Variants in MAST4 observed in about 807,000 individuals in gnomAD.
MAST4 encodes microtubule associated serine/threonine kinase family member 4.
A neutral mutation model predicts 162.7 loss-of-function variants in MAST4; 89 were observed. The observed-to-expected ratio is 0.55, with a 90% CI of 0.46 to 0.65. The LOEUF is 0.65. Among genes scored for constraint, MAST4 ranks in the 30% least tolerant of loss-of-function variants. The pLI is 0.00. For missense variants in MAST4, 3,153 were observed against 3,374.0 expected (o/e 0.93, Z 1.62); for synonymous variants, 1,479 against 1,361.1 (o/e 1.09, Z -1.91).
At chr5:66,806,760 C>T (rs927676793) in intron 3 of MAST4, among the ~76,000 whole-genome samples, 27 of 152,022 alleles carry the variant, frequency 1.8e-4, no homozygotes, top group African/African-American at 6.5e-4. Flanking sequence ...TTTTGTGCAT[C>T]CTAGTAACAT....
intron 3 of MAST4, among the ~76,000 whole-genome samples, chr5:66,858,915 C>G (rs942582745): frequency 1.3e-5 from 2 of 151,938 alleles, no homozygotes; most frequent in African/African-American, 4.8e-5. Flanking sequence ...ATTTTTATTG[C>G]TATTGTGAAT....
chr5:66,840,893 C>T (rs566969620), intron 3 of MAST4, among the ~76,000 whole-genome samples: 1 of 152,056 alleles, frequency 6.6e-6, no homozygotes, highest in East Asian at 2.0e-4. Context: ...TGAGTTGTTA[C>T]CCAGCTTTAT....
intron 4 of MAST4, among the ~76,000 whole-genome samples, chr5:66,938,989 A>T (rs1200770754): frequency 6.6e-6 from 1 of 152,198 alleles, no homozygotes; most frequent in Admixed American, 6.6e-5. Flanking sequence ...AGATATTCTA[A>T]AAGACAAAAA....
chr5:66,775,951 T>C (rs1394889521), intron 2 of MAST4, among the ~76,000 whole-genome samples: 1 of 152,178 alleles, frequency 6.6e-6, no homozygotes, highest in Non-Finnish European at 1.5e-5. Context: ...GTAGCATACA[T>C]AGATATTGTT....
intron 4 of MAST4, among the ~76,000 whole-genome samples, chr5:67,042,971 A>G (rs947991491): frequency 6.6e-6 from 1 of 152,210 alleles, no homozygotes; most frequent in Non-Finnish European, 1.5e-5. Flanking sequence ...ACTGCTATAT[A>G]AAAGCCAAAT....
In MAST4 at chr5:66,838,470, T is replaced by G. The variant is rs547019934; in HGVS notation, c.642+49676T>G. On this transcript the variant is annotated intron_variant, in intron 3 of 28. Transcript: ENST00000403625. ...GTGCTGTGTCTTAAACTTACCCTAT[T>G]GTACTTTTATCTTAGACTCTAGCAG... Among the ~76,000 whole-genome samples the G allele has an allele frequency of 3.3e-5, 5 of 152,298 alleles. No homozygotes were observed. In the South Asian group the frequency reaches 1.0e-3, roughly 32 times the overall value.
At chr5:66,939,447 A>G (rs1257053552) in intron 4 of MAST4, among the ~76,000 whole-genome samples, 1 of 152,212 alleles carries the variant, frequency 6.6e-6, no homozygotes, top group Non-Finnish European at 1.5e-5. Context: ...ATTTCTGTGT[A>G]AAGTGATATC....
intron 3 of MAST4, among the ~76,000 whole-genome samples, chr5:66,791,390 T>C (rs1755400576): frequency 6.6e-6 from 1 of 152,238 alleles, no homozygotes. Flanking sequence ...AACTGACTTA[T>C]TCATTGATGA....
chr5:66,967,863 C>T (rs555859705), intron 4 of MAST4, among the ~76,000 whole-genome samples: 73 of 152,124 alleles, frequency 4.8e-4, no homozygotes, highest in African/African-American at 1.6e-3. Context: ...TACAACTTTG[C>T]TTTCCTCCTT....
intron 4 of MAST4, among the ~76,000 whole-genome samples, chr5:66,974,339 G>C (rs184587449): frequency 1.3e-5 from 2 of 152,286 alleles, no homozygotes; most frequent in Non-Finnish European, 2.9e-5. Flanking sequence ...AGAAATGAAT[G>C]AATGAACGAA....
At chr5:66,981,954 CTTTATCCCATGATTTTTTATTGTG>C (rs1233985556) in intron 4 of MAST4, among the ~76,000 whole-genome samples, 1 of 152,292 alleles carries the variant, frequency 6.6e-6, no homozygotes, top group East Asian at 1.9e-4. Flanking sequence ...TTTATTTGAA[CTTTATCCCATGATTTTTTATTGTG>C]TTTGAGGCAG....
At position 66,598,681 on chromosome 5, in the gene MAST4, C is replaced by T. The variant is rs546494255; in HGVS notation, c.363+1663C>T. Among the ~76,000 whole-genome samples the T allele has an allele frequency of 2.0e-5, 3 of 152,330 alleles. No individual in the cohort carries two copies. The East Asian group carries it at 5.8e-4, about 29-fold the overall frequency. ...TTGGGAAGCTGGGGGTGTACCCTAA[C>T]TTAATGATTCACCAATAGTTCCTAA... On this transcript the variant is annotated intron_variant, in intron 1 of 28. Transcript: ENST00000403625.
intron 3 of MAST4, among the ~76,000 whole-genome samples, chr5:66,850,928 C>A (rs932266301): frequency 1.8e-5 from 2 of 110,152 alleles, no homozygotes; most frequent in Non-Finnish European, 4.0e-5. Flanking sequence ...CCATTTTAAG[C>A]CTTTTTTTTT....
At chr5:67,082,304 A>G (rs527594164) in intron 5 of MAST4, among the ~76,000 whole-genome samples, 14 of 152,094 alleles carry the variant, frequency 9.2e-5, no homozygotes, top group African/African-American at 3.4e-4. Flanking sequence ...ACACGCCACC[A>G]CGCCCAGCTA....
At chr5:66,762,075 G>C (rs190561815) in intron 2 of MAST4, among the ~76,000 whole-genome samples, 15 of 152,244 alleles carry the variant, frequency 9.9e-5, no homozygotes, top group Admixed American at 4.6e-4. Context: ...TCAGATATAT[G>C]ATCTCAAACA....
intron 1 of MAST4, among the ~76,000 whole-genome samples, chr5:66,710,510 G>A (rs755562807): frequency 1.1e-4 from 16 of 151,884 alleles, no homozygotes; most frequent in South Asian, 2.1e-4. Flanking sequence ...TACATCTTCC[G>A]TAGCCCAGGG....
At chr5:66,828,932 T>C in intron 3 of MAST4, 1 of 1,449,194 alleles carries the variant, frequency 6.9e-7, no homozygotes, top group Non-Finnish European at 9.6e-7. Context: ...TGGCCAGCCA[T>C]TGAGGATTTC....
chr5:66,965,531 G>T (rs913090239), intron 4 of MAST4, among the ~76,000 whole-genome samples: 1 of 136,436 alleles, frequency 7.3e-6, no homozygotes, highest in Non-Finnish European at 1.5e-5. Flanking sequence ...AACTGGTTGC[G>T]TTTGAGCTGG....
intron 3 of MAST4, chr5:66,789,885 T>A: frequency 2.3e-6 from 1 of 431,692 alleles, no homozygotes; most frequent in Non-Finnish European, 4.6e-6. Flanking sequence ...TTTTTCCAAC[T>A]TCAGCACTCT....
Sources: gnomAD v4.1 joint callset for allele counts (sites outside exome capture counted in the v4.1 genomes callset) on GRCh38, gnomAD v4.1.1 for gene constraint, MANE v1.5 for transcripts, NCBI Gene and HGNC (gene_info 2026-07-23, HGNC 2026-07-21) for gene names.